Variants in STK3 observed in about 807,000 individuals in gnomAD.
STK3 encodes serine/threonine-protein kinase 3.
A neutral mutation model predicts 58.0 loss-of-function variants in STK3; 41 were observed. The observed-to-expected ratio is 0.71, with a 90% confidence interval of 0.55 to 0.92. STK3 has a LOEUF of 0.92. Ranked by LOEUF, STK3 falls within the 40% of genes least tolerant of loss-of-function variation. STK3 has a pLI of 0.00. For missense variants in STK3, 479 were observed against 602.7 expected (o/e 0.79, Z 2.15); for synonymous variants, 170 against 191.0 (o/e 0.89, Z 0.91).
At chr8:98,771,984 T>C (rs1353270086) in intron 2 of STK3, among the ~76,000 whole-genome samples, 1 of 152,214 alleles carries the variant, frequency 6.6e-6, no homozygotes, top group Non-Finnish European at 1.5e-5. Context: ...ATAATTTTTC[T>C]AAGTTCTTTA....
chr8:98,927,311 A>G (rs537631156), intron 1 of STK3, among the ~76,000 whole-genome samples: 1 of 152,310 alleles, frequency 6.6e-6, no homozygotes, highest in African/African-American at 2.4e-5. Context: ...TTCCTTTGGG[A>G]ATAACTTTTC....
intron 6 of STK3, among the ~76,000 whole-genome samples, chr8:98,655,882 T>C (rs1334742756): frequency 6.6e-6 from 1 of 152,194 alleles, no homozygotes; most frequent in Non-Finnish European, 1.5e-5. Flanking sequence ...TTTTGCACTG[T>C]TGGTGGGAAT....
intron 10 of STK3, among the ~76,000 whole-genome samples, chr8:98,458,166 C>A (rs1438175480): frequency 6.6e-6 from 1 of 151,854 alleles, no homozygotes; most frequent in Non-Finnish European, 1.5e-5. Context: ...TACATATGCT[C>A]TTTTTTGGTT....
chr8:98,627,099 C>A (rs1465310414), intron 6 of STK3, among the ~76,000 whole-genome samples: 1 of 152,120 alleles, frequency 6.6e-6, no homozygotes, highest in African/African-American at 2.4e-5. Context: ...TCATCATAGG[C>A]CAGGCGCAGT....
At chr8:98,774,886 T>G in intron 1 of STK3, 67 bp from the exon 2 acceptor site, 1 of 1,149,582 alleles carries the variant, frequency 8.7e-7, no homozygotes, top group Non-Finnish European at 1.2e-6. Flanking sequence ...TTTTTAATTT[T>G]TAAAATTTTA....
intron 6 of STK3, among the ~76,000 whole-genome samples, chr8:98,676,598 A>G (rs1038227303): frequency 1.5e-4 from 23 of 151,690 alleles, no homozygotes; most frequent in African/African-American, 5.6e-4. Context: ...GGGGAACAAG[A>G]GTGAAACTCT....
intron 6 of STK3, among the ~76,000 whole-genome samples, chr8:98,599,276 A>G (rs1816115364): frequency 6.6e-6 from 1 of 152,238 alleles, no homozygotes; most frequent in Non-Finnish European, 1.5e-5. Context: ...AGCTAAATAA[A>G]ATTTTAAAAT....
chr8:98,735,976 T>C (rs1828554489), intron 4 of STK3, among the ~76,000 whole-genome samples: 1 of 152,034 alleles, frequency 6.6e-6, no homozygotes, highest in Non-Finnish European at 1.5e-5. Flanking sequence ...ATATAACTAT[T>C]AGCAAACTGT....
At chr8:98,931,560 AGATACCCAG>A (rs1840005196) in intron 1 of STK3, among the ~76,000 whole-genome samples, 1 of 152,234 alleles carries the variant, frequency 6.6e-6, no homozygotes, top group Admixed American at 6.5e-5. Context: ...TGGTAAACCC[AGATACCCAG>A]CAGATAACAT....
chr8:98,870,167 C>A (rs542585990), intron 3 of STK3, among the ~76,000 whole-genome samples: 2 of 152,234 alleles, frequency 1.3e-5, no homozygotes, highest in Non-Finnish European at 2.9e-5. Flanking sequence ...CTACAAAGGA[C>A]ATGAACTCAT....
chr8:98,601,300 C>T lies in STK3; in HGVS notation c.685-5131G>A, dbSNP rs549381853. Among the ~76,000 whole-genome samples the T allele has an allele frequency of 1.5e-3, 229 of 152,312 alleles. 1 individual carries two copies. Among genetic ancestry groups the T allele is most frequent in the African/African-American group, 5.3e-3 (219 of 41,568 alleles). ...GTCTGCCCCACAACCACCTCTTACT[C>T]ATGCACTATTTAAATCCCAATACAA... On this transcript the variant is annotated intron_variant, in intron 6 of 10. Transcript: ENST00000419617.
chr8:98,813,370 CAT>C (rs1193603578), intron 1 of STK3, among the ~76,000 whole-genome samples: 1 of 152,158 alleles, frequency 6.6e-6, no homozygotes, highest in Non-Finnish European at 1.5e-5. Flanking sequence ...CTGATGATCT[CAT>C]AGTGTATTTA....
At chr8:98,560,149 T>C (rs760059932) in intron 8 of STK3, among the ~76,000 whole-genome samples, 15 of 152,102 alleles carry the variant, frequency 9.9e-5, no homozygotes, top group Non-Finnish European at 2.1e-4. Context: ...GAAAAATATA[T>C]AACCTCTGAA....
chr8:98,842,236 T>A (rs1044552797), intron 3 of STK3, among the ~76,000 whole-genome samples: 1 of 152,226 alleles, frequency 6.6e-6, no homozygotes, highest in Non-Finnish European at 1.5e-5. Context: ...TAACTGCAAT[T>A]TTTTAAAGTC....
chr8:98,869,075 G>T (rs1178769853), intron 3 of STK3, among the ~76,000 whole-genome samples: 1 of 143,916 alleles, frequency 6.9e-6, no homozygotes, highest in Non-Finnish European at 1.5e-5. Flanking sequence ...AGGAAGGAAG[G>T]AAGGAAGGAG....
chr8:98,800,384 G>T lies in STK3; in HGVS notation c.26+25131C>A, dbSNP rs943062304. Among the ~76,000 whole-genome samples, 2 of 152,204 alleles carry T rather than the reference G, an allele frequency of 1.3e-5. No homozygotes were observed. The highest frequency in any genetic ancestry group is 2.9e-5 in the Non-Finnish European group (2 of 68,030). The stretch of plus-strand genomic sequence containing the variant: ...GCGGTCATCGGCCAAATTCCCAACA[G>T]CAGTTGGGGTGTCCTGTTTAGAGGG... On this transcript the variant is annotated intron_variant, in intron 1 of 10. Coordinates refer to ENST00000419617, the MANE Select transcript of STK3 (RefSeq NM_006281.4). This position sits in a 1 kb window ranked among gnomAD's most constrained non-coding sequence, Gnocchi z 4.8.
chr8:98,439,954 C>A (rs747364801), intron 1 of STK3, among the ~76,000 whole-genome samples: 1 of 152,194 alleles, frequency 6.6e-6, no homozygotes, highest in Non-Finnish European at 1.5e-5. Context: ...TTGGGCACAA[C>A]ACGGCACCTC....
At chr8:98,442,529 G>A (rs1818735364) in intron 1 of STK3, among the ~76,000 whole-genome samples, 1 of 152,246 alleles carries the variant, frequency 6.6e-6, no homozygotes, top group Non-Finnish European at 1.5e-5. Flanking sequence ...GGAAAGTGTA[G>A]GAATAAGGAC....
chr8:98,700,724 G>A lies in STK3; in HGVS notation c.684+5743C>T, dbSNP rs560540535. Among the ~76,000 whole-genome samples, 4 of 152,138 alleles carry A rather than the reference G, an allele frequency of 2.6e-5. No homozygotes were observed. The East Asian group carries it at 5.8e-4, about 22-fold the overall frequency. ...GCATTGCATAGAAGTAAAAATTCTT[G>A]GTTTGATTTCTATTTTCTTTCCTTT... On this transcript the variant is annotated intron_variant, in intron 6 of 10. Transcript: ENST00000419617.
Sources: gnomAD v4.1 joint callset for allele counts (sites outside exome capture counted in the v4.1 genomes callset) on GRCh38, gnomAD v4.1.1 for gene constraint, Gnocchi (gnomAD v3.1) non-coding constraint, MANE v1.5 for transcripts, NCBI Gene and HGNC (gene_info 2026-07-23, HGNC 2026-07-21) for gene names.